The following KCNG2 variants were observed in gnomAD, a reference collection of about 807,000 sequenced individuals.
The protein encoded by KCNG2 is voltage-gated potassium channel regulatory subunit KCNG2.
Under a neutral mutation model 12.3 loss-of-function variants are expected in KCNG2, and 7 were observed. That is an observed-to-expected ratio of 0.57 (90% CI 0.32 to 1.07). The LOEUF (loss-of-function observed/expected upper bound fraction) is 1.07, where lower values mean the gene tolerates loss of function less well. Among genes scored for constraint, KCNG2 ranks in the 50% least tolerant of loss-of-function variants. KCNG2 has a pLI of 0.04. For synonymous variants in KCNG2, 414 were observed against 351.4 expected, an observed-to-expected ratio of 1.18 and a Z score of -1.99; for missense variants, 703 against 726.0, an observed-to-expected ratio of 0.97 and a Z score of 0.36.
At position 79,864,104 on chromosome 18, in the gene KCNG2, C is replaced by G; in HGVS notation, c.437C>G (p.Pro146Arg). Residue 146 changes from proline (P) to arginine (R), a missense_variant, in exon 3 of 4, where the codon CCG (proline) becomes CGG (arginine). Physicochemically the swap from Pro to Arg is moderately radical, Grantham distance 103. Transcript: ENST00000316249. ...GPTERGAQGS[P>R]ARALGPRGRL... is the part of the protein sequence containing the mutation. ...ACGGAGCGCGGGGCGCAGGGGAGCCCGGCGCGCGCCCTGGGACCTCGGGGG... is the reference window on the plus strand; with the variant it reads ...ACGGAGCGCGGGGCGCAGGGGAGCCGGGCGCGCGCCCTGGGACCTCGGGGG... 1 of 1,112,862 alleles carries G rather than the reference C, an allele frequency of 9.0e-7. No homozygotes were observed. The highest frequency in any genetic ancestry group is 1.1e-6 in the Non-Finnish European group (1 of 913,334). The allele number at this position is 1,112,862 out of a possible 1,614,324, so 68.9% of individuals were successfully genotyped here. A position where few individuals can be genotyped will look rare whatever the true frequency, so the allele number is the denominator to read the frequency against.
At chr18:79,819,676 G>A (rs1451338162) in intron 1 of KCNG2, among the ~76,000 whole-genome samples, 2 of 152,214 alleles carry the variant, frequency 1.3e-5, no homozygotes, top group Non-Finnish European at 2.9e-5. Context: ...CCTCCCCTAC[G>A]GCTCCTCGGT....
chr18:79,889,335 C>T (rs1201751520), intron 3 of KCNG2, among the ~76,000 whole-genome samples: 1 of 152,186 alleles, frequency 6.6e-6, no homozygotes, highest in Non-Finnish European at 1.5e-5. Flanking sequence ...CAGGTAAGCG[C>T]TCAGCTGGAT....
intron 1 of KCNG2, among the ~76,000 whole-genome samples, chr18:79,830,628 C>T (rs966029546): frequency 6.6e-6 from 1 of 152,242 alleles, no homozygotes; most frequent in African/African-American, 2.4e-5. Context: ...CTCGAAGAGA[C>T]TCCCGAGTGA....
intron 1 of KCNG2, among the ~76,000 whole-genome samples, chr18:79,798,854 G>C (rs1213393125): frequency 3.9e-5 from 6 of 152,166 alleles, no homozygotes; most frequent in Non-Finnish European, 7.4e-5. Context: ...TCCGCGTCCC[G>C]AACGTTCCCC....
At chr18:79,869,976 G>A (rs1315916536) in intron 3 of KCNG2, among the ~76,000 whole-genome samples, 1 of 152,112 alleles carries the variant, frequency 6.6e-6, no homozygotes, top group African/African-American at 2.4e-5. Context: ...TGGAGTGGGA[G>A]TTGCCACCCG....
At chr18:79,844,963 CT>C (rs758630802) in intron 1 of KCNG2, among the ~76,000 whole-genome samples, 3 of 152,166 alleles carry the variant, frequency 2.0e-5, no homozygotes, top group Non-Finnish European at 4.4e-5. Context: ...GAAAAGCAAA[CT>C]GTGTGGAAAT....
At chr18:79,849,204 C>T (rs959402400) in intron 1 of KCNG2, among the ~76,000 whole-genome samples, 1 of 152,212 alleles carries the variant, frequency 6.6e-6, no homozygotes, top group Non-Finnish European at 1.5e-5. Context: ...TCAACCTCCA[C>T]AGCCTCCCCA....
chr18:79,824,245 G>A (rs903339017), intron 1 of KCNG2, among the ~76,000 whole-genome samples: 9 of 152,188 alleles, frequency 5.9e-5, no homozygotes, highest in Admixed American at 1.3e-4. Flanking sequence ...GCGATCCCCC[G>A]ACCTTGGCCT....
chr18:79,853,665 G>C (rs1230584493), intron 1 of KCNG2, among the ~76,000 whole-genome samples: 1 of 152,226 alleles, frequency 6.6e-6, no homozygotes, highest in East Asian at 1.9e-4. Context: ...CGAGTCAGGA[G>C]CTTCCAGATG....
rs568316442 is a variant in KCNG2, at chr18:79,835,988, A to G, written c.-114-20391A>G. 2.6e-5 allele frequency among the ~76,000 whole-genome samples: 4 copies of G among 152,360 alleles called. No individual in the cohort carries two copies. The South Asian group carries it at 8.3e-4, about 32-fold the overall frequency. On this transcript the variant is annotated intron_variant, in intron 1 of 3. Transcript: ENST00000316249. ...AGAAATAAAGAACAGAGAACAGAAAACAGTACAAAATGGAAGATTAAAGTC... is the reference window on the plus strand; with the variant it reads ...AGAAATAAAGAACAGAGAACAGAAAGCAGTACAAAATGGAAGATTAAAGTC...
chr18:79,871,203 C>T (rs927508556), intron 3 of KCNG2, among the ~76,000 whole-genome samples: 92 of 152,254 alleles, frequency 6.0e-4, no homozygotes, highest in African/African-American at 2.2e-3. Flanking sequence ...CCTGCACCTG[C>T]GTGAGGCTAA....
At chr18:79,882,452 C>T (rs993056990) in intron 3 of KCNG2, among the ~76,000 whole-genome samples, 2 of 152,206 alleles carry the variant, frequency 1.3e-5, no homozygotes, top group African/African-American at 4.8e-5. Flanking sequence ...TAACAAAGGA[C>T]TTGTAATTAA....
intron 1 of KCNG2, among the ~76,000 whole-genome samples, chr18:79,837,088 T>C (rs918419772): frequency 1.3e-5 from 2 of 152,072 alleles, no homozygotes; most frequent in East Asian, 1.9e-4. Flanking sequence ...ACTTCCAAGA[T>C]AAAGTGGAGG....
intron 3 of KCNG2, among the ~76,000 whole-genome samples, chr18:79,881,404 T>C (rs369947036): frequency 6.6e-6 from 1 of 152,156 alleles, no homozygotes; most frequent in Non-Finnish European, 1.5e-5. Flanking sequence ...GAACTGCCTA[T>C]GTAGAAATTC....
At chr18:79,871,857 C>T (rs1979845759) in intron 3 of KCNG2, among the ~76,000 whole-genome samples, 1 of 152,262 alleles carries the variant, frequency 6.6e-6, no homozygotes, top group Non-Finnish European at 1.5e-5. Context: ...TGCCAGTCAG[C>T]AGCGTCTGCC....
chr18:79,841,533 G>A (rs372405786), intron 1 of KCNG2, among the ~76,000 whole-genome samples: 32 of 152,224 alleles, frequency 2.1e-4, no homozygotes, highest in African/African-American at 5.5e-4. Flanking sequence ...ATTAAAATGC[G>A]TTTAAAAACT....
At chr18:79,887,966 C>T (rs1254135146) in intron 3 of KCNG2, among the ~76,000 whole-genome samples, 1 of 152,192 alleles carries the variant, frequency 6.6e-6, no homozygotes, top group Non-Finnish European at 1.5e-5. Context: ...CTCGGGCTCA[C>T]AGGGTAATAG....
At chr18:79,838,676 G>A (rs1260734301) in intron 1 of KCNG2, among the ~76,000 whole-genome samples, 1 of 152,160 alleles carries the variant, frequency 6.6e-6, no homozygotes. Flanking sequence ...CTCTCAAAGT[G>A]TTGGGATTAC....
chr18:79,841,193 C>G (rs537589906), intron 1 of KCNG2, among the ~76,000 whole-genome samples: 38 of 152,132 alleles, frequency 2.5e-4, no homozygotes, highest in Non-Finnish European at 1.5e-4. Context: ...ATTGCTTGAG[C>G]CTGGGAGATC....
Sources: allele counts gnomAD v4.1 joint callset (sites outside exome capture counted in the v4.1 genomes callset), GRCh38; gene constraint gnomAD v4.1.1; transcripts MANE v1.5; gene names NCBI Gene and HGNC (gene_info 2026-07-23, HGNC 2026-07-21).